KCNK10: variants seen among roughly 807,000 people sequenced by gnomAD.
KCNK10 encodes the protein potassium two pore domain channel subfamily K member 10.
In KCNK10, 25 loss-of-function variants were observed where a neutral mutation model predicts 47.7. The ratio of observed to expected loss-of-function variants is 0.52; its 90% CI spans 0.38 to 0.73. KCNK10 has a LOEUF of 0.73. Ranked by LOEUF, KCNK10 falls within the 30% of genes least tolerant of loss-of-function variation. The probability of loss-of-function intolerance (pLI) is 0.00; values close to 1 mark genes in which losing one functional copy is unlikely to be tolerated. For synonymous variants in KCNK10, 303 were observed against 285.6 expected (o/e 1.06, Z -0.61); for missense variants, 563 against 714.5 (o/e 0.79, Z 2.42).
rs780940869 is a variant in KCNK10, at chr14:88,322,800, G to T, written c.-2C>A. The T allele has an allele frequency of 7.4e-6, 12 of 1,614,162 alleles. No individual in the cohort carries two copies. The South Asian group carries it at 8.8e-5, about 12-fold the overall frequency. Reference sequence around the variant, plus strand: ...TGGCGTCTCGATTGGAAATTTCATTGCTTCGTTGCCCAGAAGGGGAAGAAA... The same window carrying T: ...TGGCGTCTCGATTGGAAATTTCATTTCTTCGTTGCCCAGAAGGGGAAGAAA... On this transcript the variant is annotated 5_prime_UTR_variant, in exon 1 of 7. Transcript: ENST00000319231. The surrounding 1 kb of genome is among the most constrained non-coding windows in gnomAD (Gnocchi z 4.8).
chr14:88,272,057 G>C (rs1289405981), intron 1 of KCNK10, among the ~76,000 whole-genome samples: 1 of 152,090 alleles, frequency 6.6e-6, no homozygotes, highest in Admixed American at 6.6e-5. Context: ...CCATAGGTCT[G>C]TCTTCCACGA....
chr14:88,314,038 G>T (rs1888379195), intron 1 of KCNK10, among the ~76,000 whole-genome samples: 1 of 152,236 alleles, frequency 6.6e-6, no homozygotes, highest in African/African-American at 2.4e-5. Flanking sequence ...CAGCAACTGT[G>T]AAGTGGTTGT....
chr14:88,212,133 G>GATATATATATATATATATATATAA (rs1885482897), intron 4 of KCNK10, among the ~76,000 whole-genome samples: 1 of 59,856 alleles, frequency 1.7e-5, no homozygotes, highest in Non-Finnish European at 3.9e-5. Context: ...TATATATATC[G>GATATATATATATATATATATATAA]AGAGAGAGAG....
chr14:88,204,669 C>A (rs1215921834), intron 4 of KCNK10, among the ~76,000 whole-genome samples: 1 of 150,090 alleles, frequency 6.7e-6, no homozygotes, highest in Non-Finnish European at 1.5e-5. Flanking sequence ...TCTGGAGAGA[C>A]TGGATGGTTT....
At chr14:88,233,485 G>T (rs1303411243) in intron 3 of KCNK10, among the ~76,000 whole-genome samples, 1 of 152,192 alleles carries the variant, frequency 6.6e-6, no homozygotes, top group African/African-American at 2.4e-5. Context: ...TAGACAAGGT[G>T]ATTGTTCACC....
intron 3 of KCNK10, among the ~76,000 whole-genome samples, chr14:88,232,290 A>G (rs1476138061): frequency 6.6e-6 from 1 of 152,230 alleles, no homozygotes; most frequent in African/African-American, 2.4e-5. Context: ...AAATTTTATG[A>G]TCGCAAGGGA....
chr14:88,219,869 G>A (rs1045503310), intron 4 of KCNK10, among the ~76,000 whole-genome samples: 2 of 152,142 alleles, frequency 1.3e-5, no homozygotes, highest in African/African-American at 2.4e-5. Flanking sequence ...GGATACTGAT[G>A]CCTAAGGTTG....
Position 88,180,676 on chromosome 14 carries a change from T to C in KCNK10, c.*4859A>G. The C allele has an allele frequency of 2.5e-6, 1 of 398,180 alleles. No individual in the cohort carries two copies. Among genetic ancestry groups the C allele is most frequent in the East Asian group, 3.5e-5 (1 of 28,198 alleles). 24.7% of individuals were successfully genotyped at this position (398,180 alleles called of 1,614,324 possible). A position where few individuals can be genotyped will look rare whatever the true frequency, so the allele number is the denominator to read the frequency against. On this transcript the variant is annotated 3_prime_UTR_variant, in exon 7 of 7. Coordinates refer to ENST00000319231, the MANE Select transcript of KCNK10 (RefSeq NM_138317.3). ...AAAATGATAATAACTTTCAGTAAAATCAGAGACACCTCTCATTTCTCCTCA... is the reference window on the plus strand; with the variant it reads ...AAAATGATAATAACTTTCAGTAAAACCAGAGACACCTCTCATTTCTCCTCA...
chr14:88,212,753 C>T (rs1324215504), intron 4 of KCNK10, among the ~76,000 whole-genome samples: 2 of 152,182 alleles, frequency 1.3e-5, no homozygotes, highest in Non-Finnish European at 2.9e-5. Flanking sequence ...ACCATTAGGT[C>T]AAAACTTATG....
rs970295336 is a variant in KCNK10 at position 88,181,614 on chromosome 14, G to A, written c.*3921C>T. 1 of 152,120 alleles carries A rather than the reference G, an allele frequency of 6.6e-6. No homozygotes were observed. Among genetic ancestry groups the A allele is most frequent in the Non-Finnish European group, 1.5e-5 (1 of 68,012 alleles). The allele number at this position is 152,120 out of a possible 1,614,324, so 9.4% of individuals were successfully genotyped here. ...TGACAGTACACTAAAGAGCTATAAG[G>A]GAGGATAGAGAGAGCCTACACAGGG... is the stretch of plus-strand genomic sequence containing the variant. On this transcript the variant is annotated 3_prime_UTR_variant, in exon 7 of 7. Transcript: ENST00000319231.
intron 4 of KCNK10, among the ~76,000 whole-genome samples, chr14:88,215,970 T>C (rs1885605748): frequency 6.6e-6 from 1 of 152,136 alleles, no homozygotes; most frequent in African/African-American, 2.4e-5. Flanking sequence ...ACTGGCCAGT[T>C]ATGAAAGGTA....
intron 1 of KCNK10, among the ~76,000 whole-genome samples, chr14:88,283,077 G>A (rs1009000267): frequency 3.3e-5 from 5 of 152,164 alleles, no homozygotes; most frequent in Admixed American, 3.3e-4. Flanking sequence ...AACAACTGCT[G>A]TATGCATCTA....
intron 1 of KCNK10, among the ~76,000 whole-genome samples, chr14:88,296,750 G>A (rs1887992715): frequency 6.6e-6 from 1 of 152,184 alleles, no homozygotes. Context: ...GGACATCTGG[G>A]CATTTGAGTC....
At chr14:88,256,418 C>G (rs577755619) in intron 2 of KCNK10, among the ~76,000 whole-genome samples, 1 of 152,092 alleles carries the variant, frequency 6.6e-6, no homozygotes, top group African/African-American at 2.4e-5. Flanking sequence ...AGAGAAGCAG[C>G]GGGGAGAGAG....
In KCNK10 at chr14:88,322,699, C is replaced by A. The variant is rs756935455; in HGVS notation, c.52+48G>T. 1 of 1,612,972 alleles carries A rather than the reference C, an allele frequency of 6.2e-7. No individual in the cohort carries two copies. The highest frequency in any genetic ancestry group is 8.5e-7 in the Non-Finnish European group (1 of 1,178,992). On this transcript the variant is annotated intron_variant, in intron 1 of 6. Transcript: ENST00000319231. The surrounding 1 kb of genome is among the most constrained non-coding windows in gnomAD (Gnocchi z 4.8). ...TTCCACTCAAGGAAGCGCGCACACG[C>A]CGGAGACAGAGGCAGGGCGAGGGCA...
At chr14:88,221,301 C>CAATAATAATAATAATAATAATAAT (rs55913907) in intron 4 of KCNK10, among the ~76,000 whole-genome samples, 216 of 144,170 alleles carry the variant, frequency 1.5e-3, no homozygotes, top group African/African-American at 3.3e-3. Context: ...GACTCTGTCT[C>CAATAATAATAATAATAATAATAAT]AATAATAATA....
At chr14:88,287,994 G>A (rs1006597649) in intron 1 of KCNK10, among the ~76,000 whole-genome samples, 4 of 151,910 alleles carry the variant, frequency 2.6e-5, no homozygotes, top group East Asian at 1.9e-4. Context: ...CCACATCCCC[G>A]CCAACATCTA....
At chr14:88,292,329 C>T (rs1254900398) in intron 1 of KCNK10, among the ~76,000 whole-genome samples, 1 of 152,104 alleles carries the variant, frequency 6.6e-6, no homozygotes, top group Non-Finnish European at 1.5e-5. Flanking sequence ...GAAAGGAGAG[C>T]TTTGTGATTT....
chr14:88,287,547 TA>T (rs1490823395), intron 1 of KCNK10, among the ~76,000 whole-genome samples: 5 of 152,166 alleles, frequency 3.3e-5, no homozygotes, highest in African/African-American at 9.7e-5. Flanking sequence ...CACTTATAAG[TA>T]AGAACACACA....
Sources: gnomAD v4.1 joint callset for allele counts (sites outside exome capture counted in the v4.1 genomes callset) on GRCh38, gnomAD v4.1.1 for gene constraint, Gnocchi (gnomAD v3.1) non-coding constraint, MANE v1.5 for transcripts, NCBI Gene and HGNC (gene_info 2026-07-23, HGNC 2026-07-21) for gene names.